Variants in UBAP2 observed in about 807,000 individuals in gnomAD.
UBAP2 encodes ubiquitin associated protein 2.
A neutral mutation model predicts 139.6 loss-of-function variants in UBAP2; 75 were observed. The ratio of observed to expected loss-of-function variants is 0.54; its 90% CI spans 0.45 to 0.65. The LOEUF (loss-of-function observed/expected upper bound fraction) is 0.65. Ranked by LOEUF, UBAP2 falls within the 30% of genes least tolerant of loss-of-function variation. The probability of loss-of-function intolerance (pLI) is 0.00; values close to 1 mark genes in which losing one functional copy is unlikely to be tolerated. For synonymous variants in UBAP2, 526 were observed against 526.2 expected (o/e 1.00, Z 0.01); for missense variants, 1,368 against 1,369.6 (o/e 1.00, Z 0.02).
At chr9:33,987,670 C>G (rs1217927080) in intron 5 of UBAP2, among the ~76,000 whole-genome samples, 2 of 152,142 alleles carry the variant, frequency 1.3e-5, no homozygotes, top group African/African-American at 4.8e-5. Flanking sequence ...CATGAAAATT[C>G]TGAAAATAAA....
intron 22 of UBAP2, 106 bp from the exon 23 acceptor site, chr9:33,924,390 C>T: frequency 8.9e-7 from 1 of 1,118,038 alleles, no homozygotes; most frequent in Non-Finnish European, 1.3e-6. Flanking sequence ...AAACAGACTC[C>T]ATGCCTGAGA....
chr9:33,969,837 GC>G (rs1827774241), intron 8 of UBAP2, among the ~76,000 whole-genome samples: 1 of 149,222 alleles, frequency 6.7e-6, no homozygotes, highest in East Asian at 2.0e-4. Flanking sequence ...TTGCACTCCA[GC>G]CTGGGTGACA....
At chr9:33,994,127 C>G (rs959574290) in intron 4 of UBAP2, among the ~76,000 whole-genome samples, 3 of 152,068 alleles carry the variant, frequency 2.0e-5, no homozygotes, top group African/African-American at 7.2e-5. Flanking sequence ...AACTCCTGAC[C>G]TCGTGATCTG....
At chr9:34,024,365 A>C (rs1825229296) in intron 1 of UBAP2, among the ~76,000 whole-genome samples, 1 of 152,062 alleles carries the variant, frequency 6.6e-6, no homozygotes, top group South Asian at 2.1e-4. Context: ...AATAGCAAAT[A>C]CATTCTTTGA....
chr9:34,016,379 T>C (rs950702147), intron 2 of UBAP2, among the ~76,000 whole-genome samples: 26 of 42,908 alleles, frequency 6.1e-4, no homozygotes, highest in African/African-American at 8.8e-4. Context: ...GCGGTGGTGG[T>C]GGTGGTGGTG....
chr9:33,981,780 TAGGAAGGAAGGA>T (rs972167715), intron 6 of UBAP2, among the ~76,000 whole-genome samples: 3 of 114,790 alleles, frequency 2.6e-5, no homozygotes, highest in Admixed American at 2.4e-4. Flanking sequence ...GGTAGGAAGG[TAGGAAGGAAGGA>T]AGGAAGGAAG....
Position 33,960,837 on chromosome 9 carries a change from A to G in UBAP2, c.787T>C (p.Trp263Arg), listed in dbSNP as rs748482748. Residue 263 changes from tryptophan (W) to arginine (R), a missense_variant, in exon 10 of 29, where the codon TGG (tryptophan) becomes CGG (arginine). Transcript: ENST00000379238. ...NSVEEWTTED[W>R]TEDLSETKVF... Reference sequence around the variant, plus strand: ...CAGCAAACACTTACATCTTCAGTCCAGTCTTCTGTTGTCCACTCTTCCACA... The same window carrying G: ...CAGCAAACACTTACATCTTCAGTCCGGTCTTCTGTTGTCCACTCTTCCACA... 1.9e-6 allele frequency: 3 copies of G among 1,613,758 alleles called. No individual in the cohort carries two copies. The Admixed American group carries it at 5.0e-5, about 27-fold the overall frequency.
intron 10 of UBAP2, among the ~76,000 whole-genome samples, chr9:33,956,774 T>C (rs890064869): frequency 6.6e-6 from 1 of 152,032 alleles, no homozygotes; most frequent in Admixed American, 6.6e-5. Context: ...TTACACAAAA[T>C]GAGAATACCA....
At chr9:34,030,552 G>A (rs914323219) in intron 1 of UBAP2, among the ~76,000 whole-genome samples, 3 of 152,124 alleles carry the variant, frequency 2.0e-5, no homozygotes, top group Non-Finnish European at 1.5e-5. Context: ...GAGCCTGGGA[G>A]GTCAAGGCTG....
chr9:33,924,163 T>A, intron 23 of UBAP2, 43 bp downstream of exon 23: 1 of 1,609,586 alleles, frequency 6.2e-7, no homozygotes, highest in South Asian at 1.1e-5. Flanking sequence ...GAGTTCGCGC[T>A]AGGCCGGCCC....
intron 4 of UBAP2, among the ~76,000 whole-genome samples, chr9:33,990,204 A>AT (rs1282733359): frequency 6.6e-6 from 1 of 152,204 alleles, no homozygotes; most frequent in African/African-American, 2.4e-5. Context: ...AATCTGCCTT[A>AT]TTTCAGAAGG....
intron 10 of UBAP2, among the ~76,000 whole-genome samples, chr9:33,956,352 G>T (rs11788269): frequency 0.12 from 18,293 of 147,826 alleles, 1,482 homozygotes; most frequent in South Asian, 0.33. Flanking sequence ...AGGGTCTGGC[G>T]CTGTTGCCCA....
chr9:34,045,019 C>G (rs1827445723), intron 1 of UBAP2, among the ~76,000 whole-genome samples: 1 of 151,792 alleles, frequency 6.6e-6, no homozygotes, highest in African/African-American at 2.4e-5. Context: ...AATTAGTTAT[C>G]AAAAAATGGA....
chr9:34,024,357 T>A (rs1433977144), intron 1 of UBAP2, among the ~76,000 whole-genome samples: 2 of 143,734 alleles, frequency 1.4e-5, no homozygotes, highest in Non-Finnish European at 1.5e-5. Context: ...AAAAAAAAAA[T>A]AGCAAATACA....
rs12351831 is a variant in UBAP2 at position 34,001,253 on chromosome 9, A to T, written c.100-2389T>A. 2.2e-3 allele frequency among the ~76,000 whole-genome samples: 334 copies of T among 152,366 alleles called. 2 individuals are homozygous for T. Among genetic ancestry groups the T allele is most frequent in the African/African-American group, 7.7e-3 (321 of 41,590 alleles). Reference sequence around the variant, plus strand: ...AAAAAAGGTTTTATTTAGAAAGAATATATAAGTAGGATTGCAATCCAGGAC... The same window carrying T: ...AAAAAAGGTTTTATTTAGAAAGAATTTATAAGTAGGATTGCAATCCAGGAC... On this transcript the variant is annotated intron_variant, in intron 2 of 28. Coordinates refer to ENST00000379238, the MANE Select transcript of UBAP2 (RefSeq NM_001370062.2).
intron 1 of UBAP2, among the ~76,000 whole-genome samples, chr9:34,033,521 T>C (rs569622149): frequency 1.3e-5 from 2 of 151,872 alleles, no homozygotes; most frequent in African/African-American, 4.8e-5. Flanking sequence ...ACAAAAATAA[T>C]AAGACCCACT....
chr9:34,029,980 C>A lies in UBAP2; in HGVS notation c.-41-12791G>T, dbSNP rs547714455. Among the ~76,000 whole-genome samples the A allele has an allele frequency of 2.0e-5, 3 of 148,586 alleles. No homozygotes were observed. In the East Asian group the frequency reaches 6.0e-4, roughly 30 times the overall value. On this transcript the variant is annotated intron_variant, in intron 1 of 28. Coordinates refer to ENST00000379238, the MANE Select transcript of UBAP2 (RefSeq NM_001370062.2). ...CCAGCCTGGGTGACAGAGCAAGACT[C>A]CATCTCGAAAAAAAAAAAAAGAAAG...
intron 1 of UBAP2, among the ~76,000 whole-genome samples, chr9:34,027,611 A>G (rs568243845): frequency 6.6e-6 from 1 of 151,990 alleles, no homozygotes; most frequent in South Asian, 2.1e-4. Flanking sequence ...TAATCCCAGC[A>G]CTCTGGGAGG....
chr9:33,953,475 C>T lies in UBAP2; in HGVS notation c.867-1G>A. The T allele has an allele frequency of 6.2e-7, 1 of 1,609,506 alleles. No individual in the cohort carries two copies. Among genetic ancestry groups the T allele is most frequent in the Non-Finnish European group, 8.5e-7 (1 of 1,178,022 alleles). Reference sequence around the variant, plus strand: ...CTGGAGCAAGGCTACCAGATCAATGCTAAGCAGACAAAAAGCAATGAGGAA... The same window carrying T: ...CTGGAGCAAGGCTACCAGATCAATGTTAAGCAGACAAAAAGCAATGAGGAA... On this transcript the variant is annotated splice_acceptor_variant, in intron 11 of 28. Transcript: ENST00000379238. LOFTEE classifies it high-confidence loss of function.
Sources: gnomAD v4.1 joint callset for allele counts (sites outside exome capture counted in the v4.1 genomes callset) on GRCh38, gnomAD v4.1.1 for gene constraint, MANE v1.5 for transcripts, NCBI Gene and HGNC (gene_info 2026-07-23, HGNC 2026-07-21) for gene names.